GABRA3: variants seen among roughly 807,000 people sequenced by gnomAD.
GABRA3 encodes the protein gamma-aminobutyric acid type A receptor subunit alpha3, also known as gamma-aminobutyric acid receptor subunit alpha-3.
GABRA3 carries 10 observed loss-of-function variants against 30.1 expected under a neutral mutation model. The ratio of observed to expected loss-of-function variants is 0.33; its 90% CI spans 0.20 to 0.56. GABRA3 has a LOEUF of 0.56. Ranked by LOEUF, GABRA3 falls within the 20% of genes least tolerant of loss-of-function variation. GABRA3 has a pLI of 0.89. For missense variants in GABRA3, 233 were observed against 392.0 expected, an observed-to-expected ratio of 0.59 and a Z score of 3.42; for synonymous variants, 151 against 146.8, an observed-to-expected ratio of 1.03 and a Z score of -0.21.
At chrX:152,237,538 C>T (rs1283797462) in intron 5 of GABRA3, among the ~76,000 whole-genome samples, 2 of 103,068 alleles carry the variant, frequency 1.9e-5, no homozygotes, top group African/African-American at 7.2e-5. Flanking sequence ...TGAAGAAAGT[C>T]ATTGGTAGCT....
chrX:152,323,079 T>TTGATCTCG (rs1939995245), intron 3 of GABRA3, among the ~76,000 whole-genome samples: 1 of 109,193 alleles, frequency 9.2e-6, no homozygotes, highest in East Asian at 2.9e-4. Flanking sequence ...TCTTGATCTC[T>TTGATCTCG]TGATCTCGTG....
At chrX:152,169,418 G>A (rs901925150) in intron 9 of GABRA3, among the ~76,000 whole-genome samples, 1 of 112,212 alleles carries the variant, frequency 8.9e-6, no homozygotes, top group South Asian at 3.7e-4. Flanking sequence ...ATTTTTAAGA[G>A]TGAAAGAAAC....
chrX:152,362,261 C>CA (rs1193807735), intron 2 of GABRA3, among the ~76,000 whole-genome samples: 130 of 99,796 alleles, frequency 1.3e-3, no homozygotes, highest in Middle Eastern at 4.9e-3. Context: ...AATGTAAAAC[C>CA]AAAAAAAAAA....
intron 3 of GABRA3, among the ~76,000 whole-genome samples, chrX:152,333,716 A>T: frequency 8.9e-6 from 1 of 111,890 alleles, no homozygotes; most frequent in Middle Eastern, 4.7e-3. Context: ...AATATGTAAG[A>T]CCTCGAAAGT....
chrX:152,392,235 T>A (rs1447478865), intron 1 of GABRA3: 1 of 384,956 alleles, frequency 2.6e-6, no homozygotes, highest in East Asian at 7.5e-5. Context: ...CCGTAGCACA[T>A]GCTCAAACAT....
intron 4 of GABRA3, among the ~76,000 whole-genome samples, chrX:152,278,438 C>T (rs1379954339): frequency 9.0e-6 from 1 of 111,111 alleles, no homozygotes; most frequent in Admixed American, 9.6e-5. Context: ...AGGACATGAA[C>T]TCATCAGTTT....
chrX:152,364,732 G>A (rs1928607292), intron 1 of GABRA3, 136 bp from the exon 2 acceptor site: 2 of 426,339 alleles, frequency 4.7e-6, no homozygotes, highest in Non-Finnish European at 7.6e-6. Flanking sequence ...CTAGTGTCTA[G>A]TTACTCAGTG....
At chrX:152,386,599 A>G (rs761138485) in intron 1 of GABRA3, among the ~76,000 whole-genome samples, 1 of 107,787 alleles carries the variant, frequency 9.3e-6, no homozygotes, top group East Asian at 2.9e-4. Flanking sequence ...ACAATGAGAT[A>G]CCATCTCACA....
At chrX:152,270,473 G>C (rs935139495) in intron 4 of GABRA3, among the ~76,000 whole-genome samples, 1 of 111,559 alleles carries the variant, frequency 9.0e-6, no homozygotes, top group African/African-American at 3.3e-5. Flanking sequence ...GGAGGTACTA[G>C]GGTGCTGCTG....
At chrX:152,413,317 A>G (rs1454465518) in intron 1 of GABRA3, among the ~76,000 whole-genome samples, 2 of 111,361 alleles carry the variant, frequency 1.8e-5, no homozygotes, top group Non-Finnish European at 3.8e-5. Flanking sequence ...TTATGAGGCC[A>G]GTATTGTCCT....
At chrX:152,185,713 T>C (rs1345997388) in intron 9 of GABRA3, among the ~76,000 whole-genome samples, 1 of 111,905 alleles carries the variant, frequency 8.9e-6, no homozygotes, top group Non-Finnish European at 1.9e-5. Flanking sequence ...TAGGTGATTC[T>C]TAACTTAGAC....
At chrX:152,182,633 C>CTATATATACACTATATATACATATATGTG (rs1937182932) in intron 9 of GABRA3, among the ~76,000 whole-genome samples, 1 of 3,327 alleles carries the variant, frequency 3.0e-4, no homozygotes, top group Non-Finnish European at 8.2e-4. Context: ...TATATATACA[C>CTATATATACACTATATATACATATATGTG]TATATATACA....
chrX:152,394,873 A>T (rs1201516209), intron 1 of GABRA3, among the ~76,000 whole-genome samples: 1 of 111,551 alleles, frequency 9.0e-6, no homozygotes, highest in Non-Finnish European at 1.9e-5. Flanking sequence ...CAAAAAGAAG[A>T]TCAAAATAAT....
At chrX:152,234,958 T>C (rs955307237) in intron 5 of GABRA3, among the ~76,000 whole-genome samples, 12 of 111,935 alleles carry the variant, frequency 1.1e-4, no homozygotes, top group Middle Eastern at 4.3e-3. Flanking sequence ...CTTTGTGCTC[T>C]TTTGTGGTTC....
At chrX:152,194,318 A>G (rs56309946) in intron 8 of GABRA3, among the ~76,000 whole-genome samples, 23,716 of 111,065 alleles carry the variant, frequency 0.21, 1,847 homozygotes, top group Admixed American at 0.27. Flanking sequence ...CTTCGGTGAA[A>G]TATCTGTTTA....
intron 1 of GABRA3, among the ~76,000 whole-genome samples, chrX:152,408,979 C>A (rs1795015967): frequency 9.0e-6 from 1 of 111,606 alleles, no homozygotes; most frequent in Admixed American, 9.5e-5. Context: ...CAAGGACACC[C>A]CTTCAATATA....
intron 1 of GABRA3, among the ~76,000 whole-genome samples, chrX:152,440,454 A>T (rs1032747433): frequency 8.9e-6 from 1 of 112,446 alleles, no homozygotes; most frequent in Non-Finnish European, 1.9e-5. Context: ...TGTGGAAGAC[A>T]GTGTGGCAAT....
intron 2 of GABRA3, 127 bp from the exon 3 acceptor site, chrX:152,345,829 C>T (rs1603245540): frequency 1.8e-6 from 1 of 548,057 alleles, no homozygotes; most frequent in East Asian, 3.9e-5. Context: ...ATATCTTATC[C>T]AAAATAGCAA....
chrX:152,388,906 A>G (rs951878550), intron 1 of GABRA3, among the ~76,000 whole-genome samples: 3 of 107,076 alleles, frequency 2.8e-5, no homozygotes, highest in Non-Finnish European at 5.6e-5. Flanking sequence ...GCAACAGTAG[A>G]CATTTGGAGA....
Sources: gnomAD v4.1 joint callset for allele counts (sites outside exome capture counted in the v4.1 genomes callset) on GRCh38, gnomAD v4.1.1 for gene constraint, MANE v1.5 for transcripts, NCBI Gene and HGNC (gene_info 2026-07-23, HGNC 2026-07-21) for gene names.